MINPP1: variants seen among roughly 807,000 people sequenced by gnomAD.
MINPP1 encodes multiple inositol polyphosphate phosphatase 1.
MINPP1 carries 28 observed loss-of-function variants against 46.1 expected under a neutral mutation model. The observed-to-expected ratio is 0.61, with a 90% CI of 0.45 to 0.83. The LOEUF (loss-of-function observed/expected upper bound fraction) is 0.83, where lower values mean the gene tolerates loss of function less well. Among genes scored for constraint, MINPP1 ranks in the 40% least tolerant of loss-of-function variants. MINPP1 has a pLI of 0.00. For missense variants in MINPP1, 603 were observed against 610.0 expected, an observed-to-expected ratio of 0.99 and a Z score of 0.12; for synonymous variants, 268 against 249.1, an observed-to-expected ratio of 1.08 and a Z score of -0.72.
chr10:87,522,817 C>T (rs1019711584), intron 4 of MINPP1, among the ~76,000 whole-genome samples: 1 of 152,122 alleles, frequency 6.6e-6, no homozygotes. Context: ...TGAAAGATGT[C>T]TCTGTAACAC....
intron 2 of MINPP1, among the ~76,000 whole-genome samples, chr10:87,512,624 CT>C (rs1233761440): frequency 6.6e-6 from 1 of 152,112 alleles, no homozygotes; most frequent in Non-Finnish European, 1.5e-5. Context: ...AGCCCCCCTC[CT>C]TGAACCCTCT....
chr10:87,545,654 A>G (rs540207111), intron 4 of MINPP1, among the ~76,000 whole-genome samples: 20 of 152,318 alleles, frequency 1.3e-4, no homozygotes, highest in African/African-American at 4.8e-4. Context: ...TATCTAGGAA[A>G]TCAAAGGTAA....
Position 87,505,023 on chromosome 10 carries a change from G to C in MINPP1, c.108G>C (p.Arg36Ser), listed in dbSNP as rs753715845. 6.2e-7 allele frequency: 1 copy of C among 1,613,142 alleles called. No individual in the cohort carries two copies. Among genetic ancestry groups the C allele is most frequent in the Non-Finnish European group, 8.5e-7 (1 of 1,179,894 alleles). ...SLARCSLLEP[R>S]DPVASSLSPY... ...CGCGCTGCTCTCTTCTAGAGCCGAG[G>C]GACCCGGTGGCCTCGTCGCTCAGCC... The change falls in exon 1 of 5, where the codon AGG becomes AGC. Residue 36 changes from arginine (R) to serine (S), a missense_variant. By Grantham distance (110) the Arg-to-Ser change is moderately radical. Around this residue, in one of 3 missense-constraint regions of MINPP1, gnomAD observed 239 missense variants for 189.4 expected, o/e 1.26. Transcript: ENST00000371996. The surrounding 1 kb of genome is among the most constrained non-coding windows in gnomAD (Gnocchi z 4.4).
chr10:87,529,987 T>C (rs1851634156), intron 4 of MINPP1, among the ~76,000 whole-genome samples: 1 of 152,238 alleles, frequency 6.6e-6, no homozygotes, highest in Non-Finnish European at 1.5e-5. Context: ...TTCTTGCACT[T>C]GATTGAATCG....
At position 87,505,387 on chromosome 10, in the gene MINPP1, G is replaced by T. The variant is rs748205648; in HGVS notation, c.472G>T (p.Ala158Ser). 5.1e-5 allele frequency: 82 copies of T among 1,613,868 alleles called. No individual in the cohort carries two copies. The highest frequency in any genetic ancestry group is 1.6e-4 in the Middle Eastern group (1 of 6,080). The change falls in exon 1 of 5, where the codon GCG becomes TCG. Residue 158 changes from alanine to serine, a missense_variant. By Grantham distance (99) the Ala-to-Ser change is moderately conservative (BLOSUM62 1). Transcript: ENST00000371996. This position sits in a 1 kb window ranked among gnomAD's most constrained non-coding sequence, Gnocchi z 4.4. Reference sequence around the variant, plus strand: ...GGGACGGCAGGATATGCGACAGCTGGCGCTGCGTCTGGCCTCGCTCTTCCC... The same window carrying T: ...GGGACGGCAGGATATGCGACAGCTGTCGCTGCGTCTGGCCTCGCTCTTCCC... The part of the protein sequence containing the change: ...EKGRQDMRQL[A>S]LRLASLFPAL...
At chr10:87,522,554 G>A (rs1334455495) in intron 4 of MINPP1, among the ~76,000 whole-genome samples, 1 of 152,144 alleles carries the variant, frequency 6.6e-6, no homozygotes, top group African/African-American at 2.4e-5. Context: ...TATAATAAGT[G>A]TGCAATAGCA....
intron 4 of MINPP1, among the ~76,000 whole-genome samples, chr10:87,530,718 T>A (rs1851647197): frequency 6.6e-6 from 1 of 152,214 alleles, no homozygotes; most frequent in Non-Finnish European, 1.5e-5. Flanking sequence ...GAACCAGTAC[T>A]CTCTTCAAAG....
In MINPP1 at chr10:87,505,326, G is replaced by A; in HGVS notation, c.411G>A (p.Trp137Ter). ...LGAALADWPL[W>*]YADWMDGQLV... ...CAGCGCTGGCCGACTGGCCTTTGTG[G>A]TACGCGGACTGGATGGACGGGCAGC... Residue 137 changes from tryptophan (W) to a stop codon, truncating the protein, a stop_gained, in exon 1 of 5, where the codon TGG (tryptophan) becomes TGA (stop). Transcript: ENST00000371996. LOFTEE classifies it high-confidence loss of function. The surrounding 1 kb of genome is among the most constrained non-coding windows in gnomAD (Gnocchi z 4.4). 6.2e-7 allele frequency: 1 copy of A among 1,613,536 alleles called. No individual in the cohort carries two copies. The highest frequency in any genetic ancestry group is 8.5e-7 in the Non-Finnish European group (1 of 1,179,588).
intron 4 of MINPP1, among the ~76,000 whole-genome samples, chr10:87,526,393 TTTGA>T (rs1275945433): frequency 2.0e-5 from 3 of 152,198 alleles, no homozygotes; most frequent in Admixed American, 6.5e-5. Context: ...GATGGGGTTG[TTTGA>T]TTTTTTCTTG....
At chr10:87,539,637 T>C (rs1851784893) in intron 4 of MINPP1, among the ~76,000 whole-genome samples, 1 of 152,240 alleles carries the variant, frequency 6.6e-6, no homozygotes, top group African/African-American at 2.4e-5. Context: ...TTCCTCAGGA[T>C]GTCACATTGT....
chr10:87,553,084 A>T lies in MINPP1; in HGVS notation c.*606A>T, dbSNP rs986506774. On this transcript the variant is annotated 3_prime_UTR_variant, in exon 5 of 5. Transcript: ENST00000371996. ...AAATAAATATTTTTGGTATTTATTT[A>T]TGAAATATTTGAACATTTTTTCAAT... 1.3e-5 allele frequency: 2 copies of T among 152,192 alleles called. No individual in the cohort carries two copies. 9.4% of individuals were successfully genotyped at this position (152,192 alleles called of 1,614,324 possible).
intron 4 of MINPP1, among the ~76,000 whole-genome samples, chr10:87,522,270 G>A (rs989689559): frequency 1.3e-5 from 2 of 152,052 alleles, no homozygotes; most frequent in African/African-American, 4.8e-5. Flanking sequence ...AAATGCTTAT[G>A]ACATAATTAC....
chr10:87,515,158 G>A (rs1044261981), intron 3 of MINPP1, among the ~76,000 whole-genome samples: 12 of 152,002 alleles, frequency 7.9e-5, no homozygotes, highest in African/African-American at 2.6e-4. Flanking sequence ...CGGCCAAGGC[G>A]GGTGGATCAC....
chr10:87,523,167 T>G (rs1223512457), intron 4 of MINPP1, among the ~76,000 whole-genome samples: 2 of 152,202 alleles, frequency 1.3e-5, no homozygotes, highest in African/African-American at 4.8e-5. Flanking sequence ...CTCCTGGTAA[T>G]GTTGATATTT....
intron 2 of MINPP1, among the ~76,000 whole-genome samples, chr10:87,510,079 G>C (rs1851313958): frequency 6.6e-6 from 1 of 152,116 alleles, no homozygotes; most frequent in Non-Finnish European, 1.5e-5. Flanking sequence ...GAATAACTAT[G>C]ATTTTTGACA....
Position 87,505,553 on chromosome 10 carries a change from G to A in MINPP1, c.637+1G>A, listed in dbSNP as rs1405961634. ...GGCTTGCCGCCGCCGGACGTCGCAG[G>A]TGACCCCCCGGGCGGCCCGTGTGCT... On this transcript the variant is annotated splice_donor_variant, in intron 1 of 4. Coordinates refer to ENST00000371996, the MANE Select transcript of MINPP1 (RefSeq NM_004897.5). LOFTEE classifies it high-confidence loss of function. This position sits in a 1 kb window ranked among gnomAD's most constrained non-coding sequence, Gnocchi z 4.4. The A allele has an allele frequency of 6.2e-7, 1 of 1,601,866 alleles. No individual in the cohort carries two copies. Among genetic ancestry groups the A allele is most frequent in the South Asian group, 1.1e-5 (1 of 90,226 alleles).
chr10:87,505,429 G>T lies in MINPP1; in HGVS notation c.514G>T (p.Glu172Ter), dbSNP rs1480333303. The T allele has an allele frequency of 6.2e-7, 1 of 1,613,448 alleles. No homozygotes were observed. ...ASLFPALFSR[E>*]NYGRLRLITS... is the part of the protein sequence containing the mutation. Reference sequence around the variant, plus strand: ...GCTCTTCCCGGCCCTTTTCAGCCGTGAGAACTACGGCCGCCTGCGGCTCAT... The same window carrying T: ...GCTCTTCCCGGCCCTTTTCAGCCGTTAGAACTACGGCCGCCTGCGGCTCAT... Residue 172 changes from glutamate to a stop codon, truncating the protein, a stop_gained, in exon 1 of 5, where the codon GAG (glutamate) becomes TAG (stop). Transcript: ENST00000371996. LOFTEE classifies it high-confidence loss of function. This position sits in a 1 kb window ranked among gnomAD's most constrained non-coding sequence, Gnocchi z 4.4.
chr10:87,507,438 AT>A (rs1219134357), intron 1 of MINPP1, among the ~76,000 whole-genome samples: 1 of 152,220 alleles, frequency 6.6e-6, no homozygotes, highest in African/African-American at 2.4e-5. Context: ...AAGAATTGCA[AT>A]CCAGTTGACA....
At chr10:87,541,234 C>T (rs2131837128) in intron 4 of MINPP1, among the ~76,000 whole-genome samples, 1 of 152,270 alleles carries the variant, frequency 6.6e-6, no homozygotes, top group South Asian at 2.1e-4. Context: ...TAGATAATTA[C>T]CTGGAGGCAG....
Sources: gnomAD v4.1 joint callset for allele counts (sites outside exome capture counted in the v4.1 genomes callset) on GRCh38, gnomAD v4.1.1 for gene constraint, gnomAD v4.1.1 regional missense constraint, Gnocchi (gnomAD v3.1) non-coding constraint, MANE v1.5 for transcripts, NCBI Gene and HGNC (gene_info 2026-07-23, HGNC 2026-07-21) for gene names.